Variants in SNTG2 observed in about 807,000 individuals in gnomAD.
The protein encoded by SNTG2 is syntrophin gamma 2.
Under a neutral mutation model 70.9 loss-of-function variants are expected in SNTG2, and 74 were observed. The ratio of observed to expected loss-of-function variants is 1.04; its 90% CI spans 0.86 to 1.27. SNTG2 has a LOEUF of 1.27. Among genes scored for constraint, SNTG2 ranks in the 50% most tolerant of loss-of-function variants. The pLI is 0.00. For synonymous variants in SNTG2, 278 were observed against 273.8 expected (o/e 1.02, Z -0.15); for missense variants, 717 against 690.7 (o/e 1.04, Z -0.43).
At chr2:993,517 CTA>C (rs1661573324) in intron 1 of SNTG2, among the ~76,000 whole-genome samples, 1 of 152,030 alleles carries the variant, frequency 6.6e-6, no homozygotes, top group South Asian at 2.1e-4. Flanking sequence ...AAGTGTAAAA[CTA>C]TGAGTGGAAT....
At chr2:966,022 A>T (rs538236002) in intron 1 of SNTG2, among the ~76,000 whole-genome samples, 15 of 152,164 alleles carry the variant, frequency 9.9e-5, no homozygotes, top group African/African-American at 3.4e-4. Context: ...TGTCGGACCC[A>T]TCCCTACCAT....
intron 8 of SNTG2, among the ~76,000 whole-genome samples, chr2:1,199,963 GC>G (rs1673175140): frequency 6.6e-6 from 1 of 151,972 alleles, no homozygotes; most frequent in Non-Finnish European, 1.5e-5. Context: ...CAGATTTAAT[GC>G]AATCCCTATA....
intron 14 of SNTG2, among the ~76,000 whole-genome samples, chr2:1,272,495 T>TAGGACCTCCCAGGAGCAGGTGTAGAA (rs1679079323): frequency 1.1e-5 from 1 of 90,138 alleles, no homozygotes; most frequent in South Asian, 4.2e-4. Context: ...AGGATTCTGT[T>TAGGACCTCCCAGGAGCAGGTGTAGAA]AGGACATCCC....
intron 1 of SNTG2, among the ~76,000 whole-genome samples, chr2:982,729 T>C (rs1661150215): frequency 6.6e-6 from 1 of 152,208 alleles, no homozygotes; most frequent in South Asian, 2.1e-4. Flanking sequence ...CTATCTCTTC[T>C]CTTGTGCTCA....
At chr2:951,124 C>A in intron 1 of SNTG2, 56 bp downstream of exon 1, 1 of 805,074 alleles carries the variant, frequency 1.2e-6, no homozygotes, top group Non-Finnish European at 1.7e-6. Flanking sequence ...CTCTCCTTCG[C>A]GCCCTTCTCC....
chr2:961,674 C>G (rs1386311831), intron 1 of SNTG2, among the ~76,000 whole-genome samples: 1 of 152,086 alleles, frequency 6.6e-6, no homozygotes, highest in Non-Finnish European at 1.5e-5. Flanking sequence ...ATTTTGAGTT[C>G]AGTTTTTCCG....
At chr2:1,133,313 CTAAT>C (rs1361788480) in intron 4 of SNTG2, among the ~76,000 whole-genome samples, 7 of 152,262 alleles carry the variant, frequency 4.6e-5, no homozygotes, top group East Asian at 3.9e-4. Context: ...TTTACAAATT[CTAAT>C]TAATTTTCAA....
chr2:1,362,919 C>T (rs200205651), intron 16 of SNTG2, among the ~76,000 whole-genome samples: 15 of 139,626 alleles, frequency 1.1e-4, no homozygotes, highest in South Asian at 2.4e-4. Flanking sequence ...AGAACTTCCA[C>T]GAAGGTCACC....
intron 6 of SNTG2, among the ~76,000 whole-genome samples, chr2:1,148,715 G>A (rs1333477382): frequency 6.6e-6 from 1 of 152,244 alleles, no homozygotes; most frequent in African/African-American, 2.4e-5. Flanking sequence ...AACATGTGGA[G>A]GGGTTGCTCT....
chr2:1,242,777 C>G (rs1395875762), intron 11 of SNTG2: 1 of 152,044 alleles, frequency 6.6e-6, no homozygotes, highest in Admixed American at 6.5e-5. Context: ...ATCTGGTGGA[C>G]GCTTAACTAA....
intron 12 of SNTG2, among the ~76,000 whole-genome samples, chr2:1,255,913 T>TATATAA (rs1326554307): frequency 3.6e-5 from 3 of 84,058 alleles, no homozygotes; most frequent in African/African-American, 5.8e-5. Context: ...TATAAATATA[T>TATATAA]ATATAAATAT....
At chr2:1,205,110 T>C (rs967234371) in intron 8 of SNTG2, among the ~76,000 whole-genome samples, 16 of 152,198 alleles carry the variant, frequency 1.1e-4, no homozygotes, top group African/African-American at 3.9e-4. Flanking sequence ...TGTGGTTGTA[T>C]TTCTATGATA....
rs1449092637 is a variant in SNTG2 at position 1,084,237 on chromosome 2, G to A, written c.210+582G>A. Reference sequence around the variant, plus strand: ...CTGAGTCCTCCTGTCCTTTACCTTGGAAATAAAATGAAGGGGGCATTTCCC... The same window carrying A: ...CTGAGTCCTCCTGTCCTTTACCTTGAAAATAAAATGAAGGGGGCATTTCCC... On this transcript the variant is annotated intron_variant, in intron 2 of 16. Coordinates refer to ENST00000308624, the MANE Select transcript of SNTG2 (RefSeq NM_018968.4). 2.6e-5 allele frequency among the ~76,000 whole-genome samples: 4 copies of A among 152,228 alleles called. No homozygotes were observed. In the East Asian group the frequency reaches 5.8e-4, roughly 22 times the overall value.
At chr2:1,328,843 A>T (rs568622465) in intron 16 of SNTG2, among the ~76,000 whole-genome samples, 17 of 152,176 alleles carry the variant, frequency 1.1e-4, no homozygotes, top group Middle Eastern at 6.8e-3. Flanking sequence ...ACACATACAC[A>T]TACACACACA....
chr2:1,320,036 T>C (rs930001442), intron 16 of SNTG2, among the ~76,000 whole-genome samples: 14 of 152,200 alleles, frequency 9.2e-5, no homozygotes, highest in African/African-American at 2.7e-4. Flanking sequence ...TCCTAGTAAG[T>C]TGATTTTCTA....
At chr2:1,291,782 T>C (rs1046220990) in intron 14 of SNTG2, among the ~76,000 whole-genome samples, 1 of 152,206 alleles carries the variant, frequency 6.6e-6, no homozygotes, top group Non-Finnish European at 1.5e-5. Context: ...GATTGTGAAA[T>C]CTCCAACTTG....
chr2:1,362,231 A>G (rs78654224), intron 16 of SNTG2, among the ~76,000 whole-genome samples: 86,634 of 125,592 alleles, frequency 0.69, 29,856 homozygotes, highest in East Asian at 0.93. Flanking sequence ...GGTCACCAAC[A>G]CTGAGTGTTT....
At chr2:956,585 C>CG (rs1660169256) in intron 1 of SNTG2, among the ~76,000 whole-genome samples, 1 of 152,248 alleles carries the variant, frequency 6.6e-6, no homozygotes, top group South Asian at 2.1e-4. Flanking sequence ...CCCAGGGCCC[C>CG]GGCCCACCCG....
In SNTG2 at chr2:1,181,147, A is replaced by G. The variant is rs556298809; in HGVS notation, c.591+7964A>G. 6.2e-4 allele frequency among the ~76,000 whole-genome samples: 94 copies of G among 152,284 alleles called. No homozygotes were observed. In the Middle Eastern group the frequency reaches 0.014, roughly 22 times the overall value. On this transcript the variant is annotated intron_variant, in intron 8 of 16. Transcript: ENST00000308624. The stretch of plus-strand genomic sequence containing the variant: ...ACAAGTTAATGGGTGCAGCACACCA[A>G]CATGGCACATGTATACATATGTAAC...
Sources: allele counts gnomAD v4.1 joint callset (sites outside exome capture counted in the v4.1 genomes callset), GRCh38; gene constraint gnomAD v4.1.1; transcripts MANE v1.5; gene names NCBI Gene and HGNC (gene_info 2026-07-23, HGNC 2026-07-21).